Variants in EML2 observed in about 807,000 individuals in gnomAD.
EML2 encodes echinoderm microtubule-associated protein-like 2.
In EML2, 59 loss-of-function variants were observed where a neutral mutation model predicts 84.7. That is an observed-to-expected ratio of 0.70 (90% CI 0.56 to 0.86). EML2 has a LOEUF of 0.86. Among genes scored for constraint, EML2 ranks in the 40% least tolerant of loss-of-function variants. The probability of loss-of-function intolerance (pLI) is 0.00; values close to 1 mark genes in which losing one functional copy is unlikely to be tolerated. For missense variants in EML2, 818 were observed against 855.6 expected (o/e 0.96, Z 0.55); for synonymous variants, 352 against 348.9 (o/e 1.01, Z -0.10).
At chr19:45,645,430 C>G (rs960359136), upstream of EML2, 3 of 1,455,490 alleles carry the variant, frequency 2.1e-6, no homozygotes, top group South Asian at 4.1e-5. Flanking sequence ...ATAGCAACGC[C>G]CTTCGTTCCA....
chr19:45,614,532 T>G, intron 17 of EML2, 73 bp downstream of exon 17: 1 of 1,337,562 alleles, frequency 7.5e-7, no homozygotes, highest in Non-Finnish European at 1.1e-6. Flanking sequence ...GCAGTAAGAC[T>G]CTGGAAACCA....
intron 9 of EML2, among the ~76,000 whole-genome samples, chr19:45,621,853 TC>T (rs761789705): frequency 2.0e-5 from 3 of 151,724 alleles, no homozygotes; most frequent in Non-Finnish European, 4.4e-5. Context: ...CAAGTGACTC[TC>T]CTACCTCAGC....
rs762778606 is a variant in EML2 at position 45,614,667 on chromosome 19, G to A, written c.1631C>T (p.Ala544Val). 3.2e-5 allele frequency: 52 copies of A among 1,613,868 alleles called. No homozygotes were observed. Among genetic ancestry groups the A allele is most frequent in the Admixed American group, 1.0e-4 (6 of 59,988 alleles). The part of the protein sequence containing the change: ...DPATCKQITS[A>V]DAVRNMEWAT... ...CCATTCCATGTTCCTCACAGCATCC[G>A]CACTGGTGATCTGCTTACAGGTAGC... The change falls in exon 17 of 19, where the codon GCG (alanine) becomes GTG (valine). Residue 544 changes from alanine to valine, a missense_variant. Ala to Val is a moderately conservative substitution (Grantham distance 64, BLOSUM62 0). Transcript: ENST00000245925.
At chr19:45,631,172 T>G (rs527759171) in intron 6 of EML2, among the ~76,000 whole-genome samples, 2 of 152,248 alleles carry the variant, frequency 1.3e-5, no homozygotes, top group African/African-American at 4.8e-5. Flanking sequence ...TACCTTTCAT[T>G]AAATACAGGT....
At chr19:45,613,431 T>C in intron 18 of EML2, 110 bp downstream of exon 18, 1 of 1,356,630 alleles carries the variant, frequency 7.4e-7, no homozygotes, top group Non-Finnish European at 1.0e-6. Flanking sequence ...CTTGTACAGA[T>C]GGGGAAACCG....
upstream of EML2, chr19:45,641,767 G>T (rs2286756): frequency 0.54 from 829,221 of 1,535,532 alleles, 226,566 homozygotes; most frequent in African/African-American, 0.75. Context: ...GAGCACACAG[G>T]TGGGGGCAGA....
chr19:45,620,249 G>C (rs1971538357), intron 11 of EML2, among the ~76,000 whole-genome samples: 1 of 151,890 alleles, frequency 6.6e-6, no homozygotes, highest in Non-Finnish European at 1.5e-5. Context: ...GAGTAACTGG[G>C]ATTACAGGCA....
At chr19:45,643,269 C>A (rs996780465), upstream of EML2, among the ~76,000 whole-genome samples, 33 of 152,200 alleles carry the variant, frequency 2.2e-4, no homozygotes, top group African/African-American at 8.0e-4. Flanking sequence ...GAGCCAGCTG[C>A]AAGGACAGAG....
At chr19:45,611,768 G>A (rs947604567) in intron 18 of EML2, among the ~76,000 whole-genome samples, 1 of 152,056 alleles carries the variant, frequency 6.6e-6, no homozygotes, top group African/African-American at 2.4e-5. Flanking sequence ...GATTACAGGC[G>A]TGAGCCACCG....
At chr19:45,633,001 G>C (rs373640013) in intron 5 of EML2, 30 bp from the exon 6 acceptor site, 9 of 1,604,706 alleles carry the variant, frequency 5.6e-6, no homozygotes, top group Non-Finnish European at 7.6e-6. Flanking sequence ...GTTACCTTGG[G>C]GGTGCCAGCT....
At chr19:45,630,445 C>T (rs146754018) in intron 6 of EML2, among the ~76,000 whole-genome samples, 20 of 148,968 alleles carry the variant, frequency 1.3e-4, no homozygotes, top group African/African-American at 4.5e-4. Context: ...CCCAGCTACT[C>T]GGGAGGCTGA....
chr19:45,620,776 CA>C (rs1971592368), intron 11 of EML2: 6 of 323,336 alleles, frequency 1.9e-5, no homozygotes, highest in South Asian at 1.5e-4. Flanking sequence ...TTAATTGGGT[CA>C]GGGGTAAGGA....
chr19:45,638,592 G>C lies in EML2; in HGVS notation c.92C>G (p.Pro31Arg). ...VKMFLRGRPV[P>R]MMIPDELAPT... Reference sequence around the variant, plus strand: ...TGCCAGCTCGTCTGGGATCATCATGGGCACAGGGCGGCCCCTCAGGAACAT... The same window carrying C: ...TGCCAGCTCGTCTGGGATCATCATGCGCACAGGGCGGCCCCTCAGGAACAT... The change falls in exon 3 of 19, where the codon CCC becomes CGC. Residue 31 changes from proline (P) to arginine (R), a missense_variant. By Grantham distance (103) the Pro-to-Arg change is moderately radical (BLOSUM62 -2). Coordinates refer to ENST00000245925, the MANE Select transcript of EML2 (RefSeq NM_012155.4). 6.2e-7 allele frequency: 1 copy of C among 1,614,024 alleles called. No individual in the cohort carries two copies.
chr19:45,642,592 C>T, upstream of EML2: 1 of 1,252,664 alleles, frequency 8.0e-7, no homozygotes, highest in Non-Finnish European at 1.0e-6. Context: ...GCCGTGTGAC[C>T]TTGGGGAAGT....
intron 6 of EML2, 24 bp downstream of exon 6, chr19:45,632,837 G>T: frequency 1.2e-6 from 2 of 1,601,006 alleles, no homozygotes; most frequent in Non-Finnish European, 1.7e-6. Context: ...GAAGGGGCGG[G>T]GTTAGGGTGG....
chr19:45,637,361 G>C (rs902238943), intron 3 of EML2, among the ~76,000 whole-genome samples: 1 of 151,920 alleles, frequency 6.6e-6, no homozygotes, highest in Non-Finnish European at 1.5e-5. Flanking sequence ...TTTCCAAACT[G>C]TAGGCCTCAG....
upstream of EML2, chr19:45,645,348 C>G: frequency 6.5e-7 from 1 of 1,530,600 alleles, no homozygotes. Flanking sequence ...ATCGCCCCAC[C>G]ACAGCCACCG....
chr19:45,644,368 C>T (rs1330574603), upstream of EML2, among the ~76,000 whole-genome samples: 1 of 152,144 alleles, frequency 6.6e-6, no homozygotes, highest in South Asian at 2.1e-4. Context: ...GTCATTCTGG[C>T]TCTTAGAGGG....
intron 15 of EML2, 45 bp from the exon 16 acceptor site, chr19:45,615,934 A>G: frequency 7.6e-6 from 11 of 1,454,982 alleles, no homozygotes; most frequent in Non-Finnish European, 9.6e-6. Context: ...AGAGGGCGGA[A>G]CCAAGGAGAG....
Sources: allele counts gnomAD v4.1 joint callset (sites outside exome capture counted in the v4.1 genomes callset), GRCh38; gene constraint gnomAD v4.1.1; transcripts MANE v1.5; gene names NCBI Gene and HGNC (gene_info 2026-07-23, HGNC 2026-07-21).